The following PACSIN2 variants were observed in gnomAD, a reference collection of about 807,000 sequenced individuals.
The protein encoded by PACSIN2 is protein kinase C and casein kinase substrate in neurons 2, also known as protein kinase C and casein kinase substrate in neurons protein 2.
Under a neutral mutation model 63.8 loss-of-function variants are expected in PACSIN2, and 25 were observed. That is an observed-to-expected ratio of 0.39 (90% confidence interval 0.29 to 0.55). The LOEUF (loss-of-function observed/expected upper bound fraction) is 0.55. Ranked by LOEUF, PACSIN2 falls within the 20% of genes least tolerant of loss-of-function variation. PACSIN2 has a pLI of 0.62. For synonymous variants in PACSIN2, 255 were observed against 256.2 expected (o/e 1.00, Z 0.05); for missense variants, 518 against 646.9 (o/e 0.80, Z 2.16).
chr22:42,891,219 C>T (rs1443414546), intron 3 of PACSIN2, 37 bp from the exon 4 acceptor site: 10 of 1,451,994 alleles, frequency 6.9e-6, no homozygotes, highest in South Asian at 2.3e-5. Context: ...CACTCAGCGC[C>T]GGCCATGGTG....
chr22:43,007,347 C>G lies in PACSIN2; in HGVS notation c.-78+7674G>C, dbSNP rs377248040. On this transcript the variant is annotated intron_variant, in intron 1 of 10. Coordinates refer to ENST00000263246, the MANE Select transcript of PACSIN2 (RefSeq NM_001184970.3). ...TCTCCTGCCTCAGCCTCCCGAGTAC[C>G]TGGGTTCACAGTCACAAACCACCAC... is the stretch of plus-strand genomic sequence containing the variant. Among the ~76,000 whole-genome samples the G allele has an allele frequency of 5.9e-5, 9 of 152,210 alleles. No individual in the cohort carries two copies. In the East Asian group the frequency reaches 1.7e-3, roughly 29 times the overall value.
chr22:42,917,856 C>T (rs1308447251), intron 1 of PACSIN2, among the ~76,000 whole-genome samples: 2 of 152,066 alleles, frequency 1.3e-5, no homozygotes, highest in African/African-American at 4.8e-5. Flanking sequence ...AACTCCTGGG[C>T]TCAAGGGATC....
At chr22:43,008,635 A>C (rs1037962480) in intron 1 of PACSIN2, among the ~76,000 whole-genome samples, 1 of 152,192 alleles carries the variant, frequency 6.6e-6, no homozygotes, top group African/African-American at 2.4e-5. Flanking sequence ...TTAGTCCATA[A>C]AATGTTAGGA....
chr22:43,012,211 A>AT, intron 1 of PACSIN2, among the ~76,000 whole-genome samples: 1 of 150,610 alleles, frequency 6.6e-6, no homozygotes, highest in Non-Finnish European at 1.5e-5. Context: ...ACAAACATAC[A>AT]AAAACTAGCC....
chr22:42,975,795 T>C lies in PACSIN2; in HGVS notation c.-78+39226A>G, dbSNP rs367736003. Among the ~76,000 whole-genome samples the C allele has an allele frequency of 7.7e-4, 118 of 152,266 alleles. 1 individual carries two copies. The East Asian group carries it at 0.019, about 24-fold the overall frequency. On this transcript the variant is annotated intron_variant, in intron 1 of 10. Transcript: ENST00000263246. ...TAGGAGGTTGGCTCCCAGGCATTTA[T>C]TAGTATGTTCCAAAACTTATATATC...
At chr22:42,882,418 C>T in intron 6 of PACSIN2, 114 bp from the exon 7 acceptor site, 1 of 1,225,418 alleles carries the variant, frequency 8.2e-7, no homozygotes, top group Non-Finnish European at 1.1e-6. Flanking sequence ...GAGTTGGTTT[C>T]ACAGACAGAG....
chr22:43,013,965 C>T (rs1924672309), intron 1 of PACSIN2, among the ~76,000 whole-genome samples: 1 of 152,172 alleles, frequency 6.6e-6, no homozygotes, highest in Admixed American at 6.5e-5. Context: ...AGAGTGGCAT[C>T]CCCAGGTCCT....
At chr22:42,910,016 T>C (rs1931342755) in intron 2 of PACSIN2, among the ~76,000 whole-genome samples, 1 of 152,168 alleles carries the variant, frequency 6.6e-6, no homozygotes, top group Non-Finnish European at 1.5e-5. Context: ...TACTAGGATA[T>C]GGGTACCGTT....
intron 1 of PACSIN2, among the ~76,000 whole-genome samples, chr22:42,939,306 C>G (rs1051765053): frequency 6.6e-6 from 1 of 152,116 alleles, no homozygotes; most frequent in African/African-American, 2.4e-5. Flanking sequence ...CTGAACACTT[C>G]CCCAACCTAA....
At position 42,871,553 on chromosome 22, in the gene PACSIN2, C is replaced by G; in HGVS notation, c.1349-84G>C. 2.8e-6 allele frequency: 3 copies of G among 1,089,032 alleles called. No homozygotes were observed. Among genetic ancestry groups the G allele is most frequent in the Non-Finnish European group, 4.3e-6 (3 of 705,476 alleles). The allele number at this position is 1,089,032 out of a possible 1,614,324, so 67.5% of individuals were successfully genotyped here. ...GAGCCGCATTCACGAGCTTTGAGCC[C>G]ACAGAGGGTGGAGGGCCAGGCATTC... On this transcript the variant is annotated intron_variant, in intron 10 of 10. Coordinates refer to ENST00000263246, the MANE Select transcript of PACSIN2 (RefSeq NM_001184970.3). This position sits in a 1 kb window ranked among gnomAD's most constrained non-coding sequence, Gnocchi z 5.4.
intron 1 of PACSIN2, among the ~76,000 whole-genome samples, chr22:42,933,226 T>C (rs2146780463): frequency 6.6e-6 from 1 of 152,376 alleles, no homozygotes; most frequent in South Asian, 2.1e-4. Context: ...TGGTTCCATA[T>C]ACCTCCCCAA....
intron 1 of PACSIN2, among the ~76,000 whole-genome samples, chr22:42,928,398 A>G (rs1932671584): frequency 6.6e-6 from 1 of 152,266 alleles, no homozygotes; most frequent in Admixed American, 6.5e-5. Flanking sequence ...ACAAGACTTC[A>G]GTTGCTGTGG....
At chr22:43,012,127 G>C (rs1426795106) in intron 1 of PACSIN2, among the ~76,000 whole-genome samples, 1 of 151,496 alleles carries the variant, frequency 6.6e-6, no homozygotes, top group South Asian at 2.1e-4. Context: ...CCGGGCGACA[G>C]AGCGAGACTC....
chr22:42,972,748 CT>C (rs888265048), intron 1 of PACSIN2, among the ~76,000 whole-genome samples: 28 of 149,984 alleles, frequency 1.9e-4, no homozygotes, highest in Admixed American at 6.6e-4. Context: ...CATGCTTTTA[CT>C]TTTTTTTTTC....
chr22:42,915,904 G>A (rs536507612), intron 1 of PACSIN2, among the ~76,000 whole-genome samples: 2 of 152,266 alleles, frequency 1.3e-5, no homozygotes, highest in South Asian at 2.1e-4. Flanking sequence ...GCCCTAAGGC[G>A]ACACTGAGGC....
chr22:42,900,415 C>T lies in PACSIN2; in HGVS notation c.61-6802G>A, dbSNP rs12329995. Among the ~76,000 whole-genome samples, 1,345 of 152,240 alleles carry T rather than the reference C, an allele frequency of 8.8e-3. 18 individuals carry two copies. The highest frequency in any genetic ancestry group is 0.031 in the African/African-American group (1,293 of 41,504). ...GGTACTGACAGTTTTACATGCCACC[C>T]CACTTAATCTTGTGAGAATGCTAGC... is the stretch of plus-strand genomic sequence containing the variant. On this transcript the variant is annotated intron_variant, in intron 2 of 10. Transcript: ENST00000263246.
At chr22:42,879,963 G>C (rs560437676) in intron 7 of PACSIN2, among the ~76,000 whole-genome samples, 1 of 152,178 alleles carries the variant, frequency 6.6e-6, no homozygotes. Context: ...CGAGTTCTCG[G>C]GTGGCGAACT....
chr22:43,003,879 C>T (rs973200553), intron 1 of PACSIN2, among the ~76,000 whole-genome samples: 9 of 152,134 alleles, frequency 5.9e-5, no homozygotes, highest in African/African-American at 2.2e-4. Flanking sequence ...GGTGTACCAG[C>T]GAGTCACCCA....
At chr22:42,884,068 T>C (rs1285963515) in intron 6 of PACSIN2, among the ~76,000 whole-genome samples, 1 of 151,496 alleles carries the variant, frequency 6.6e-6, no homozygotes, top group Non-Finnish European at 1.5e-5. Flanking sequence ...GGCCCCAGAA[T>C]GGGCAATCTC....
Sources: gnomAD v4.1 joint callset for allele counts (sites outside exome capture counted in the v4.1 genomes callset) on GRCh38, gnomAD v4.1.1 for gene constraint, Gnocchi (gnomAD v3.1) non-coding constraint, MANE v1.5 for transcripts, NCBI Gene and HGNC (gene_info 2026-07-23, HGNC 2026-07-21) for gene names.